The following SGCD variants were observed in gnomAD, a reference collection of about 807,000 sequenced individuals.
SGCD encodes the protein sarcoglycan delta.
SGCD carries 18 observed loss-of-function variants against 36.6 expected under a neutral mutation model. The ratio of observed to expected loss-of-function variants is 0.49; its 90% CI spans 0.34 to 0.73. SGCD has a LOEUF of 0.73. Ranked by LOEUF, SGCD falls within the 30% of genes least tolerant of loss-of-function variation. SGCD has a pLI of 0.01. For synonymous variants in SGCD, 133 were observed against 130.6 expected, an observed-to-expected ratio of 1.02 and a Z score of -0.12; for missense variants, 387 against 346.7, an observed-to-expected ratio of 1.12 and a Z score of -0.92.
At chr5:156,440,798 T>G (rs868363157) in intron 3 of SGCD, among the ~76,000 whole-genome samples, 5 of 152,300 alleles carry the variant, frequency 3.3e-5, no homozygotes, top group South Asian at 4.1e-4. Flanking sequence ...TCTCCTTTTT[T>G]AAAATCAGTT....
At chr5:156,538,078 C>T (rs528637491) in intron 4 of SGCD, among the ~76,000 whole-genome samples, 1 of 150,718 alleles carries the variant, frequency 6.6e-6, no homozygotes, top group African/African-American at 2.4e-5. Context: ...TTCTCAGAGC[C>T]CCAGAGTCTC....
intron 3 of SGCD, among the ~76,000 whole-genome samples, chr5:156,408,082 A>G (rs111768470): frequency 3.1e-4 from 47 of 152,338 alleles, no homozygotes; most frequent in African/African-American, 1.1e-3. Context: ...TCATCTTAAT[A>G]TTGCTGTTGA....
chr5:156,125,299 T>C (rs905103397), intron 3 of SGCD, among the ~76,000 whole-genome samples: 3 of 152,304 alleles, frequency 2.0e-5, no homozygotes, highest in South Asian at 2.1e-4. Flanking sequence ...ACGTGCCAGA[T>C]AGAAGGGTGG....
At chr5:156,187,032 C>T (rs1170153722) in intron 3 of SGCD, among the ~76,000 whole-genome samples, 6 of 151,858 alleles carry the variant, frequency 4.0e-5, no homozygotes, top group African/African-American at 1.5e-4. Flanking sequence ...AAGCAATGAA[C>T]ATAGAAGGGC....
chr5:156,091,204 G>A (rs1761233174), intron 1 of SGCD, among the ~76,000 whole-genome samples: 1 of 152,198 alleles, frequency 6.6e-6, no homozygotes, highest in Non-Finnish European at 1.5e-5. Context: ...TTCAGAGATT[G>A]CAGTAAACAT....
intron 4 of SGCD, among the ~76,000 whole-genome samples, chr5:156,572,073 T>C (rs1431724046): frequency 6.6e-6 from 1 of 152,246 alleles, no homozygotes; most frequent in Non-Finnish European, 1.5e-5. Context: ...CTGTAGCATG[T>C]ATCATACCTC....
At chr5:156,746,145 C>A (rs1248969072) in intron 7 of SGCD, among the ~76,000 whole-genome samples, 3 of 149,590 alleles carry the variant, frequency 2.0e-5, no homozygotes, top group Admixed American at 6.6e-5. Context: ...AAAAAAAAAA[C>A]CAAGTAGAAG....
intron 1 of SGCD, among the ~76,000 whole-genome samples, chr5:155,958,151 A>G (rs1394551865): frequency 1.3e-5 from 2 of 152,088 alleles, no homozygotes; most frequent in Admixed American, 6.6e-5. Flanking sequence ...TTACCCCAGG[A>G]TTGCTGTGAG....
At chr5:156,108,112 A>G (rs554622560) in intron 1 of SGCD, among the ~76,000 whole-genome samples, 1 of 152,270 alleles carries the variant, frequency 6.6e-6, no homozygotes, top group East Asian at 1.9e-4. Flanking sequence ...TGTTGCAGTA[A>G]AGAAAACTAA....
intron 3 of SGCD, among the ~76,000 whole-genome samples, chr5:156,434,001 G>A (rs1753138726): frequency 6.6e-6 from 1 of 152,186 alleles, no homozygotes; most frequent in African/African-American, 2.4e-5. Context: ...GGCCTCCAAT[G>A]GGTAACATGA....
chr5:156,307,531 T>A (rs1767248714), intron 3 of SGCD, among the ~76,000 whole-genome samples: 1 of 151,488 alleles, frequency 6.6e-6, no homozygotes, highest in Non-Finnish European at 1.5e-5. Context: ...TTGATTCTTC[T>A]TGTCTGTATA....
chr5:156,621,832 A>G (rs768828818), intron 6 of SGCD, among the ~76,000 whole-genome samples: 1 of 152,220 alleles, frequency 6.6e-6, no homozygotes, highest in Admixed American at 6.5e-5. Context: ...CATTTCTTAA[A>G]TGCTTATTCC....
chr5:155,778,200 G>A, the SGCD span, among the ~76,000 whole-genome samples: 3 of 152,140 alleles, frequency 2.0e-5, no homozygotes, highest in Non-Finnish European at 4.4e-5. Flanking sequence ...TGGTAAACTG[G>A]TTGCTGGTAG....
chr5:156,196,412 A>T (rs1395812731), intron 3 of SGCD, among the ~76,000 whole-genome samples: 2 of 152,212 alleles, frequency 1.3e-5, no homozygotes, highest in Non-Finnish European at 2.9e-5. Flanking sequence ...AGACCATAGT[A>T]TTATCATGCT....
intron 3 of SGCD, among the ~76,000 whole-genome samples, chr5:156,263,545 G>A (rs558791409): frequency 5.9e-5 from 9 of 152,246 alleles, no homozygotes; most frequent in African/African-American, 1.9e-4. Context: ...TCTGTGGGTT[G>A]TCTCTTTATT....
At chr5:156,447,992 A>C (rs1753820058) in intron 3 of SGCD, among the ~76,000 whole-genome samples, 1 of 152,198 alleles carries the variant, frequency 6.6e-6, no homozygotes, top group Admixed American at 6.5e-5. Flanking sequence ...TTTTGTACAA[A>C]GTCAAACTAG....
intron 3 of SGCD, among the ~76,000 whole-genome samples, chr5:156,280,101 T>C (rs1397479693): frequency 6.6e-6 from 1 of 152,148 alleles, no homozygotes; most frequent in African/African-American, 2.4e-5. Flanking sequence ...CCAAATAAGA[T>C]GTTGCATTGA....
intron 3 of SGCD, among the ~76,000 whole-genome samples, chr5:156,260,836 CA>C (rs1031569066): frequency 2.0e-5 from 3 of 151,984 alleles, no homozygotes; most frequent in East Asian, 3.9e-4. Context: ...TGTATTTTAT[CA>C]AGAGGAAATT....
intron 1 of SGCD, among the ~76,000 whole-genome samples, chr5:156,032,996 G>T (rs1759388480): frequency 6.6e-6 from 1 of 151,962 alleles, no homozygotes; most frequent in South Asian, 2.1e-4. Flanking sequence ...AAGATCGTTT[G>T]AGCCTTGGAG....
Sources: gnomAD v4.1 joint callset for allele counts (sites outside exome capture counted in the v4.1 genomes callset) on GRCh38, gnomAD v4.1.1 for gene constraint, MANE v1.5 for transcripts, NCBI Gene and HGNC (gene_info 2026-07-23, HGNC 2026-07-21) for gene names.